Variants in NLGN1 observed in about 807,000 individuals in gnomAD.
The protein encoded by NLGN1 is neuroligin 1.
A neutral mutation model predicts 65.5 loss-of-function variants in NLGN1; 12 were observed. The ratio of observed to expected loss-of-function variants is 0.18; its 90% confidence interval spans 0.12 to 0.30. The LOEUF (loss-of-function observed/expected upper bound fraction) is 0.30, where lower values mean the gene tolerates loss of function less well. Among genes scored for constraint, NLGN1 ranks in the 10% least tolerant of loss-of-function variants. The pLI is 1.00. For missense variants in NLGN1, 750 were observed against 1,007.1 expected (o/e 0.74, Z 3.46); for synonymous variants, 350 against 359.5 (o/e 0.97, Z 0.30).
chr3:174,237,815 C>T (rs1263956234), intron 4 of NLGN1, among the ~76,000 whole-genome samples: 2 of 152,152 alleles, frequency 1.3e-5, no homozygotes, highest in Non-Finnish European at 2.9e-5. Context: ...CTTCAGCCTC[C>T]CAAAGTGTTG....
intron 3 of NLGN1, among the ~76,000 whole-genome samples, chr3:173,640,030 A>G (rs541193056): frequency 2.0e-5 from 3 of 152,082 alleles, no homozygotes; most frequent in Non-Finnish European, 4.4e-5. Flanking sequence ...CTAATTCATT[A>G]TTGAAAAAAG....
At chr3:173,781,433 T>C (rs926897162) in intron 3 of NLGN1, among the ~76,000 whole-genome samples, 1 of 152,220 alleles carries the variant, frequency 6.6e-6, no homozygotes. Flanking sequence ...TAATTCATTT[T>C]AGTAAATATA....
At chr3:173,400,542 G>T (rs1361392198) in intron 1 of NLGN1, among the ~76,000 whole-genome samples, 16 of 152,006 alleles carry the variant, frequency 1.1e-4, no homozygotes. Flanking sequence ...TCCATTCCCT[G>T]CCCCTCTACC....
At chr3:173,911,059 G>A (rs1231501187) in intron 4 of NLGN1, among the ~76,000 whole-genome samples, 3 of 152,108 alleles carry the variant, frequency 2.0e-5, no homozygotes, top group Non-Finnish European at 4.4e-5. Flanking sequence ...GTAGGTATAA[G>A]AGACTAAATT....
intron 3 of NLGN1, among the ~76,000 whole-genome samples, chr3:173,795,566 A>G (rs534989380): frequency 3.1e-4 from 47 of 152,216 alleles, no homozygotes; most frequent in African/African-American, 1.1e-3. Context: ...CTAAATTTCA[A>G]TGGGTAAAAT....
At chr3:173,684,173 T>C (rs1456806462) in intron 3 of NLGN1, among the ~76,000 whole-genome samples, 1 of 152,184 alleles carries the variant, frequency 6.6e-6, no homozygotes, top group Non-Finnish European at 1.5e-5. Flanking sequence ...TTATTAACTT[T>C]TCAAAAAAAA....
intron 4 of NLGN1, among the ~76,000 whole-genome samples, chr3:173,969,516 A>C (rs905589025): frequency 2.6e-5 from 4 of 152,178 alleles, no homozygotes; most frequent in Non-Finnish European, 5.9e-5. Flanking sequence ...TAATTTAGAT[A>C]CTAAATTAAT....
chr3:173,819,600 T>C (rs1041134815), intron 4 of NLGN1, among the ~76,000 whole-genome samples: 1 of 152,190 alleles, frequency 6.6e-6, no homozygotes, highest in Admixed American at 6.5e-5. Context: ...TCTTTCTCCC[T>C]TCAATTCTTT....
Position 173,539,727 on chromosome 3 carries a change from C to T in NLGN1, c.-320-64552C>T, listed in dbSNP as rs936096891. 1.2e-4 allele frequency among the ~76,000 whole-genome samples: 15 copies of T among 124,546 alleles called. 1 individual carries two copies. The highest frequency in any genetic ancestry group is 1.8e-4 in the Non-Finnish European group (11 of 61,014). 81.7% of individuals were successfully genotyped at this position (124,546 alleles called of 152,430 possible). On this transcript the variant is annotated intron_variant, in intron 2 of 6. Coordinates refer to ENST00000457714, the Ensembl canonical transcript of NLGN1. ...ATATATACATATATGTACATATGCACATATATACATATATGTACATATATA... is the reference window on the plus strand; with the variant it reads ...ATATATACATATATGTACATATGCATATATATACATATATGTACATATATA...
chr3:173,748,964 G>A (rs753187992), intron 3 of NLGN1, among the ~76,000 whole-genome samples: 15 of 152,054 alleles, frequency 9.9e-5, no homozygotes, highest in Non-Finnish European at 1.6e-4. Flanking sequence ...AAGTAGGTGC[G>A]TCATTATATG....
At chr3:174,286,412 G>C (rs1700691670) in exon 7 of NLGN1, 2 of 151,412 alleles carry the variant, frequency 1.3e-5, no homozygotes, top group Admixed American at 1.3e-4. Flanking sequence ...GACCATTTTT[G>C]AATGCCATTT....
chr3:173,955,319 G>A (rs116722572), intron 4 of NLGN1, among the ~76,000 whole-genome samples: 285 of 152,050 alleles, frequency 1.9e-3, no homozygotes, highest in Non-Finnish European at 3.0e-3. Context: ...TCTCTCTCAG[G>A]GAGAAAAAAA....
intron 3 of NLGN1, among the ~76,000 whole-genome samples, chr3:173,725,172 TATA>T (rs1243172345): frequency 1.3e-5 from 2 of 151,944 alleles, no homozygotes; most frequent in African/African-American, 4.8e-5. Context: ...GAACTTAAAG[TATA>T]ATAATAAAAA....
intron 3 of NLGN1, among the ~76,000 whole-genome samples, chr3:173,741,924 C>T (rs1407256100): frequency 1.3e-5 from 2 of 152,100 alleles, no homozygotes; most frequent in African/African-American, 4.8e-5. Flanking sequence ...CACTGCGTCC[C>T]CGTAATGTAC....
At chr3:173,474,078 AT>A (rs1012332273) in intron 2 of NLGN1, among the ~76,000 whole-genome samples, 18 of 151,274 alleles carry the variant, frequency 1.2e-4, no homozygotes, top group Non-Finnish European at 2.7e-4. Flanking sequence ...TACTGGGTGT[AT>A]TTTTTTTTCT....
chr3:173,842,018 T>A (rs1392689200), intron 4 of NLGN1, among the ~76,000 whole-genome samples: 3 of 152,192 alleles, frequency 2.0e-5, no homozygotes, highest in Non-Finnish European at 4.4e-5. Flanking sequence ...GAAAGTGGTT[T>A]AATTGGACTC....
intron 2 of NLGN1, among the ~76,000 whole-genome samples, chr3:173,444,123 C>T (rs545608675): frequency 6.6e-6 from 1 of 152,292 alleles, no homozygotes; most frequent in African/African-American, 2.4e-5. Context: ...CACTGGAATA[C>T]AATACTAAGA....
intron 4 of NLGN1, among the ~76,000 whole-genome samples, chr3:174,127,296 C>G (rs7650456): frequency 0.21 from 31,982 of 151,860 alleles, 4,594 homozygotes; most frequent in African/African-American, 0.42. Flanking sequence ...TCAACCTTTA[C>G]TAGTAGAGTG....
At chr3:174,254,780 C>A (rs1279166626) in intron 4 of NLGN1, among the ~76,000 whole-genome samples, 2 of 149,814 alleles carry the variant, frequency 1.3e-5, no homozygotes, top group Admixed American at 1.4e-4. Flanking sequence ...CAAGAAAAAT[C>A]AATAAAGTTA....
Sources: gnomAD v4.1 joint callset for allele counts (sites outside exome capture counted in the v4.1 genomes callset) on GRCh38, gnomAD v4.1.1 for gene constraint, MANE v1.5 for transcripts, NCBI Gene and HGNC (gene_info 2026-07-23, HGNC 2026-07-21) for gene names.